MPHOSPH9: variants seen among roughly 807,000 people sequenced by gnomAD.
MPHOSPH9 encodes the protein M-phase phosphoprotein 9.
In MPHOSPH9, 88 loss-of-function variants were observed where a neutral mutation model predicts 145.5. The observed-to-expected ratio is 0.60, with a 90% CI of 0.51 to 0.72. The LOEUF is 0.72. Ranked by LOEUF, MPHOSPH9 falls within the 30% of genes least tolerant of loss-of-function variation. The pLI is 0.00. For synonymous variants in MPHOSPH9, 435 were observed against 486.2 expected, an observed-to-expected ratio of 0.89 and a Z score of 1.39; for missense variants, 1,238 against 1,386.6, an observed-to-expected ratio of 0.89 and a Z score of 1.70.
intron 13 of MPHOSPH9, among the ~76,000 whole-genome samples, chr12:123,191,011 T>A (rs2045653179): frequency 6.6e-6 from 1 of 152,154 alleles, no homozygotes; most frequent in South Asian, 2.1e-4. Flanking sequence ...GTGGTGGGTT[T>A]GTGAATAATT....
At chr12:123,193,095 A>AT (rs1565931895) in intron 13 of MPHOSPH9, among the ~76,000 whole-genome samples, 19 of 36,016 alleles carry the variant, frequency 5.3e-4, no homozygotes, top group East Asian at 1.3e-3. Context: ...AAAAAAAAAA[A>AT]AATATATATA....
chr12:123,192,839 C>T lies in MPHOSPH9; in HGVS notation c.2241+1547G>A, dbSNP rs1185894012. ...AAAATACTGCTTCAGGCCTGTAATCCCGCACTCAGGTGGGCGGATCAAGAG... is the reference window on the plus strand; with the variant it reads ...AAAATACTGCTTCAGGCCTGTAATCTCGCACTCAGGTGGGCGGATCAAGAG... On this transcript the variant is annotated intron_variant, in intron 13 of 23. Transcript: ENST00000606320. Among the ~76,000 whole-genome samples, 3 of 151,132 alleles carry T rather than the reference C, an allele frequency of 2.0e-5. No homozygotes were observed. In the Admixed American group the frequency reaches 2.0e-4, roughly 10 times the overall value.
At chr12:123,233,221 C>T (rs2047751697), upstream of MPHOSPH9, 1 of 152,274 alleles carries the variant, frequency 6.6e-6, no homozygotes, top group African/African-American at 2.4e-5. Flanking sequence ...CGCGCGCGTC[C>T]ACCTCGCCGT....
rs375735988 is a variant in MPHOSPH9, at chr12:123,165,347, A to G, written c.2722T>C (p.Phe908Leu). The G allele has an allele frequency of 3.2e-5, 51 of 1,613,990 alleles. 1 individual carries two copies. The highest frequency in any genetic ancestry group is 2.9e-4 in the South Asian group (26 of 91,056). ...TCTGTCTGTGTCCCCCAATTTTTAAATATTTTTCCCTCATCAAGTTCTTTT... is the reference window on the plus strand; with the variant it reads ...TCTGTCTGTGTCCCCCAATTTTTAAGTATTTTTCCCTCATCAAGTTCTTTT... The part of the protein sequence containing the change: ...ALKELDEGKI[F>L]KNWGTQTEKE... Residue 908 changes from phenylalanine to leucine, a missense_variant, in exon 18 of 24, where the codon TTT becomes CTT. Physicochemically the swap from Phe to Leu is conservative, Grantham distance 22 (BLOSUM62 0). This residue lies in a region of MPHOSPH9 where 393 missense variants were observed against 462.5 expected (regional missense o/e 0.85). Transcript: ENST00000606320.
chr12:123,236,946 G>A (rs923046597), upstream of MPHOSPH9, among the ~76,000 whole-genome samples: 3 of 151,970 alleles, frequency 2.0e-5, no homozygotes, highest in African/African-American at 4.8e-5. Context: ...TTAGCCAAGC[G>A]TGGCGGCATG....
At chr12:123,207,810 G>A (rs187083820) in intron 8 of MPHOSPH9, among the ~76,000 whole-genome samples, 213 of 148,164 alleles carry the variant, frequency 1.4e-3, no homozygotes, top group African/African-American at 3.9e-3. Flanking sequence ...CTGAGATCAC[G>A]CCACTGCACT....
Position 123,218,503 on chromosome 12 carries a change from T to C in MPHOSPH9, c.873-4A>G. The stretch of plus-strand genomic sequence containing the variant: ...TGCCCATGATGTTATAGCATTACTA[T>C]TTAAGAAGAGAAAACCAAAATTACT... On this transcript the variant is annotated splice_polypyrimidine_tract_variant and splice_region_variant and intron_variant, in intron 5 of 23. Transcript: ENST00000606320. 6.8e-6 allele frequency: 11 copies of C among 1,609,626 alleles called. No individual in the cohort carries two copies. The highest frequency in any genetic ancestry group is 8.5e-6 in the Non-Finnish European group (10 of 1,178,586).
rs1471926382 is a variant in MPHOSPH9, at chr12:123,155,537, G to A, written c.*1270C>T. ...AAGCAAACCAAAATTTAAAACCTGAGCATGTTTAGTACGAATCCATTTTGA... is the reference window on the plus strand; with the variant it reads ...AAGCAAACCAAAATTTAAAACCTGAACATGTTTAGTACGAATCCATTTTGA... On this transcript the variant is annotated 3_prime_UTR_variant, in exon 24 of 24. Coordinates refer to ENST00000606320, the MANE Select transcript of MPHOSPH9 (RefSeq NM_022782.4). 6.6e-6 allele frequency: 1 copy of A among 152,218 alleles called. No homozygotes were observed. Among genetic ancestry groups the A allele is most frequent in the Non-Finnish European group, 1.5e-5 (1 of 68,036 alleles). The allele number at this position is 152,218 out of a possible 1,614,324, so 9.4% of individuals were successfully genotyped here. A position where few individuals can be genotyped will look rare whatever the true frequency, so the allele number is the denominator to read the frequency against.
chr12:123,166,831 T>C (rs765648469), intron 16 of MPHOSPH9, 42 bp from the exon 17 acceptor site: 2 of 1,590,054 alleles, frequency 1.3e-6, no homozygotes, highest in South Asian at 2.3e-5. Flanking sequence ...AGGTCTGCAC[T>C]TCATTTCAGA....
At chr12:123,198,852 T>A (rs1438568996) in intron 11 of MPHOSPH9, among the ~76,000 whole-genome samples, 2 of 149,278 alleles carry the variant, frequency 1.3e-5, no homozygotes, top group Admixed American at 6.7e-5. Flanking sequence ...ATAATTTTTT[T>A]AAAAGATATA....
At position 123,194,621 on chromosome 12, in the gene MPHOSPH9, A is replaced by G; in HGVS notation, c.2026-20T>C. On this transcript the variant is annotated intron_variant, in intron 12 of 23. Coordinates refer to ENST00000606320, the MANE Select transcript of MPHOSPH9 (RefSeq NM_022782.4). ...ATCATTCTATAAAACAAAGACAAAC[A>G]TAATTTTTTTTTTTTTTTGAGATGG... 4 of 1,474,968 alleles carry G rather than the reference A, an allele frequency of 2.7e-6. No individual in the cohort carries two copies. Among genetic ancestry groups the G allele is most frequent in the African/African-American group, 1.7e-5 (1 of 58,828 alleles). 91.4% of individuals were successfully genotyped at this position (1,474,968 alleles called of 1,614,324 possible). A position where few individuals can be genotyped will look rare whatever the true frequency, so the allele number is the denominator to read the frequency against.
intron 16 of MPHOSPH9, among the ~76,000 whole-genome samples, chr12:123,172,529 TG>T (rs2044627590): frequency 6.6e-6 from 1 of 152,108 alleles, no homozygotes; most frequent in South Asian, 2.1e-4. Context: ...GATGGGGTTT[TG>T]CCATGTTGGC....
At chr12:123,175,493 G>T (rs1369653516) in intron 16 of MPHOSPH9, among the ~76,000 whole-genome samples, 1 of 152,074 alleles carries the variant, frequency 6.6e-6, no homozygotes, top group Non-Finnish European at 1.5e-5. Context: ...GCTATAAATG[G>T]TCAATCTCTG....
Position 123,194,498 on chromosome 12 carries a change from A to C in MPHOSPH9, c.2129T>G (p.Ile710Ser). ...RTSSKEKDNT[I>S]IRLKSRLQDL... The stretch of plus-strand genomic sequence containing the variant: ...TTGCAGTCTAGATTTTAGTCGAATG[A>C]TGGTATTGTCTTTTTCTTTACTGCT... The change falls in exon 13 of 24, where the codon ATC becomes AGC. Residue 710 changes from isoleucine (I) to serine (S), a missense_variant. Transcript: ENST00000606320. 1 of 1,612,280 alleles carries C rather than the reference A, an allele frequency of 6.2e-7. No individual in the cohort carries two copies. Among genetic ancestry groups the C allele is most frequent in the East Asian group, 2.2e-5 (1 of 44,850 alleles).
chr12:123,224,062 G>A (rs1406431906), intron 3 of MPHOSPH9, among the ~76,000 whole-genome samples: 2 of 148,168 alleles, frequency 1.3e-5, no homozygotes, highest in Admixed American at 6.8e-5. Flanking sequence ...AGCCTCCCAA[G>A]TAGCTGAGAT....
In MPHOSPH9 at chr12:123,218,441, C is replaced by CA. The variant is rs2047061533; in HGVS notation, c.930dup (p.Val311CysfsTer9). 1 of 1,613,904 alleles carries CA rather than the reference C, an allele frequency of 6.2e-7. No individual in the cohort carries two copies. The highest frequency in any genetic ancestry group is 1.3e-5 in the African/African-American group (1 of 74,918). On this transcript the variant is annotated frameshift_variant, in exon 6 of 24. Transcript: ENST00000606320. LOFTEE classifies it high-confidence loss of function. ...TTAGATCTTGAACCTCCATCTTCTA[C>CA]ATGTGCTCTCTTTGGTTGGTTCTGC... is the stretch of plus-strand genomic sequence containing the variant.
chr12:123,243,269 G>A (rs927657321), intron 1 of MPHOSPH9, among the ~76,000 whole-genome samples: 23 of 136,968 alleles, frequency 1.7e-4, no homozygotes, highest in African/African-American at 5.3e-4. Context: ...AATGGCTCAC[G>A]CCTGTAATCC....
At chr12:123,208,867 A>G (rs2046568032) in intron 8 of MPHOSPH9, among the ~76,000 whole-genome samples, 1 of 152,012 alleles carries the variant, frequency 6.6e-6, no homozygotes, top group Admixed American at 6.6e-5. Flanking sequence ...TTACAGGTGT[A>G]AACTATGATG....
intron 7 of MPHOSPH9, among the ~76,000 whole-genome samples, chr12:123,210,458 T>C (rs1294371043): frequency 6.6e-6 from 1 of 152,092 alleles, no homozygotes; most frequent in Non-Finnish European, 1.5e-5. Context: ...TTTGGGAAGC[T>C]GAGGCAGGAG....
Sources: gnomAD v4.1 joint callset for allele counts (sites outside exome capture counted in the v4.1 genomes callset) on GRCh38, gnomAD v4.1.1 for gene constraint, gnomAD v4.1.1 regional missense constraint, MANE v1.5 for transcripts, NCBI Gene and HGNC (gene_info 2026-07-23, HGNC 2026-07-21) for gene names.